The following ARHGAP5 variants were observed in gnomAD, a reference collection of about 807,000 sequenced individuals.
ARHGAP5 encodes the protein rho GTPase-activating protein 5.
In ARHGAP5, 23 loss-of-function variants were observed where a neutral mutation model predicts 116.6. The ratio of observed to expected loss-of-function variants is 0.20; its 90% CI spans 0.14 to 0.28. The LOEUF (loss-of-function observed/expected upper bound fraction) is 0.28. Ranked by LOEUF, ARHGAP5 falls within the 10% of genes least tolerant of loss-of-function variation. The probability of loss-of-function intolerance (pLI) is 1.00; values close to 1 mark genes in which losing one functional copy is unlikely to be tolerated. For synonymous variants in ARHGAP5, 574 were observed against 602.0 expected (o/e 0.95, Z 0.68); for missense variants, 1,405 against 1,774.8 (o/e 0.79, Z 3.74).
intron 3 of ARHGAP5, among the ~76,000 whole-genome samples, chr14:32,136,543 C>T (rs1201686686): frequency 1.3e-5 from 2 of 152,074 alleles, no homozygotes; most frequent in South Asian, 2.1e-4. Context: ...ATTCTTTTGG[C>T]TATTGTGAAT....
intron 2 of ARHGAP5, among the ~76,000 whole-genome samples, chr14:32,116,302 T>G (rs1879584881): frequency 9.0e-6 from 1 of 110,688 alleles, no homozygotes; most frequent in African/African-American, 3.5e-5. Flanking sequence ...AAAAAATAAA[T>G]AAATAAGGCT....
chr14:32,123,847 G>A (rs1880011353), intron 3 of ARHGAP5, among the ~76,000 whole-genome samples: 1 of 152,068 alleles, frequency 6.6e-6, no homozygotes, highest in Non-Finnish European at 1.5e-5. Context: ...CCTTTATTCT[G>A]ATACTTGTTT....
At position 32,093,971 on chromosome 14, in the gene ARHGAP5, A is replaced by G. The variant is rs769329634; in HGVS notation, c.3302A>G (p.Gln1101Arg). Residue 1101 changes from glutamine (Q) to arginine (R), a missense_variant, in exon 2 of 7, where the codon CAG becomes CGG. Coordinates refer to ENST00000345122, the MANE Select transcript of ARHGAP5 (RefSeq NM_001030055.2). Reference protein sequence around the residue: ...YAEPIDTIFKQKGYSDEIYVV... With the variant: ...YAEPIDTIFKRKGYSDEIYVV... ...GAACCCATTGATACAATTTTCAAAC[A>G]GAAGGGCTATTCTGATGAGATTTAT... The G allele has an allele frequency of 6.2e-7, 1 of 1,613,824 alleles. No individual in the cohort carries two copies. Among genetic ancestry groups the G allele is most frequent in the South Asian group, 1.1e-5 (1 of 90,946 alleles).
At chr14:32,112,244 G>A (rs1879344335) in intron 2 of ARHGAP5, among the ~76,000 whole-genome samples, 1 of 152,026 alleles carries the variant, frequency 6.6e-6, no homozygotes, top group Admixed American at 6.6e-5. Context: ...TCAATTTTTG[G>A]TTACTGGTGA....
At chr14:32,147,480 G>A (rs935245935) in intron 4 of ARHGAP5, among the ~76,000 whole-genome samples, 2 of 152,168 alleles carry the variant, frequency 1.3e-5, no homozygotes, top group South Asian at 2.1e-4. Flanking sequence ...TTGTTAGAGC[G>A]TAAGTAAACA....
chr14:32,101,887 G>A (rs986010401), intron 2 of ARHGAP5, among the ~76,000 whole-genome samples: 1 of 152,126 alleles, frequency 6.6e-6, no homozygotes, highest in Non-Finnish European at 1.5e-5. Context: ...GGAGGCTGAG[G>A]CAGGAGAATC....
At chr14:32,125,777 CTTTT>C (rs1163731927) in intron 3 of ARHGAP5, among the ~76,000 whole-genome samples, 1 of 152,004 alleles carries the variant, frequency 6.6e-6, no homozygotes, top group Non-Finnish European at 1.5e-5. Context: ...TGTTTGATGT[CTTTT>C]TTATTTGTCT....
In ARHGAP5 at chr14:32,158,703, C is replaced by A. The variant is rs1272744725; in HGVS notation, c.*3755C>A. The A allele has an allele frequency of 6.6e-6, 1 of 151,872 alleles. No individual in the cohort carries two copies. Among genetic ancestry groups the A allele is most frequent in the African/African-American group, 2.4e-5 (1 of 41,424 alleles). The allele number at this position is 151,872 out of a possible 1,614,324, so 9.4% of individuals were successfully genotyped here. On this transcript the variant is annotated 3_prime_UTR_variant, in exon 7 of 7. Coordinates refer to ENST00000345122, the MANE Select transcript of ARHGAP5 (RefSeq NM_001030055.2). Reference sequence around the variant, plus strand: ...TACTGTATTAGAACTCTTGGAAGTTCTTAGCCTTTTCAGGTTATGAAATAC... The same window carrying A: ...TACTGTATTAGAACTCTTGGAAGTTATTAGCCTTTTCAGGTTATGAAATAC...
intron 1 of ARHGAP5, chr14:32,078,441 T>C (rs527613936): frequency 6.6e-6 from 1 of 152,346 alleles, no homozygotes; most frequent in South Asian, 2.1e-4. Context: ...TAGAGCAAGA[T>C]AGGCATATAG....
At chr14:32,151,544 C>T (rs1881638785) in intron 5 of ARHGAP5, among the ~76,000 whole-genome samples, 1 of 152,192 alleles carries the variant, frequency 6.6e-6, no homozygotes, top group Non-Finnish European at 1.5e-5. Context: ...AGCTGAGAGT[C>T]GTTTTTACAC....
intron 3 of ARHGAP5, among the ~76,000 whole-genome samples, chr14:32,133,005 G>A (rs1475019819): frequency 6.6e-6 from 1 of 152,190 alleles, no homozygotes; most frequent in African/African-American, 2.4e-5. Context: ...AGCATAGTTT[G>A]AAGTCAGGTA....
chr14:32,087,750 G>T (rs759376222), intron 1 of ARHGAP5, among the ~76,000 whole-genome samples: 80 of 151,820 alleles, frequency 5.3e-4, no homozygotes, highest in Non-Finnish European at 1.0e-3. Context: ...GTATCTAATG[G>T]GCATTTTACT....
intron 3 of ARHGAP5, among the ~76,000 whole-genome samples, chr14:32,139,320 T>G (rs1880975076): frequency 6.6e-6 from 1 of 152,172 alleles, no homozygotes; most frequent in African/African-American, 2.4e-5. Flanking sequence ...GCATAATTCA[T>G]CAGTGAAAAT....
chr14:32,129,968 A>G (rs974017197), intron 3 of ARHGAP5, among the ~76,000 whole-genome samples: 2 of 152,228 alleles, frequency 1.3e-5, no homozygotes, highest in South Asian at 4.1e-4. Context: ...TGGGAAGCCA[A>G]GGAAGGATTG....
chr14:32,139,629 A>C (rs1880989993), intron 3 of ARHGAP5, among the ~76,000 whole-genome samples: 2 of 151,652 alleles, frequency 1.3e-5, no homozygotes, highest in Non-Finnish European at 2.9e-5. Context: ...AAGGTTTGTC[A>C]ATTTAATCTT....
At position 32,093,402 on chromosome 14, in the gene ARHGAP5, C is replaced by A. The variant is rs1878363818; in HGVS notation, c.2733C>A (p.Ile911=). The A allele has an allele frequency of 1.9e-6, 3 of 1,613,902 alleles. No individual in the cohort carries two copies. The highest frequency in any genetic ancestry group is 2.5e-6 in the Non-Finnish European group (3 of 1,179,884). Residue 911 remains isoleucine, a synonymous_variant, in exon 2 of 7, where the codon ATC becomes ATA. Transcript: ENST00000345122. ...AAGGAGAACACATTGCAACTGAGAT[C>A]ACTGCTAAATTTACAGCACTGTATT... ...MTEGEHIATE[I]TAKFTALYSL...
intron 2 of ARHGAP5, among the ~76,000 whole-genome samples, chr14:32,107,593 G>C (rs1449697084): frequency 2.6e-5 from 4 of 152,252 alleles, no homozygotes; most frequent in Admixed American, 1.3e-4. Context: ...TGTACCAATA[G>C]GGCTTGTGAT....
chr14:32,118,813 AC>A (rs1207639667), intron 3 of ARHGAP5, among the ~76,000 whole-genome samples: 3 of 152,308 alleles, frequency 2.0e-5, no homozygotes, highest in African/African-American at 7.2e-5. Context: ...ATTAGAACAT[AC>A]TTTCCTTTAG....
chr14:32,102,176 C>T (rs1878821891), intron 2 of ARHGAP5, among the ~76,000 whole-genome samples: 3 of 152,184 alleles, frequency 2.0e-5, no homozygotes, highest in Non-Finnish European at 2.9e-5. Context: ...TTCATTTTAT[C>T]CATTGTTACC....
Sources: gnomAD v4.1 joint callset for allele counts (sites outside exome capture counted in the v4.1 genomes callset) on GRCh38, gnomAD v4.1.1 for gene constraint, MANE v1.5 for transcripts, NCBI Gene and HGNC (gene_info 2026-07-23, HGNC 2026-07-21) for gene names.